Variants in NRG2 observed in about 807,000 individuals in gnomAD.
The protein encoded by NRG2 is neuregulin 2, also known as pro-neuregulin-2, membrane-bound isoform.
In NRG2, 27 loss-of-function variants were observed where a neutral mutation model predicts 73.9. The ratio of observed to expected loss-of-function variants is 0.37; its 90% CI spans 0.27 to 0.50. The LOEUF is 0.50. Among genes scored for constraint, NRG2 ranks in the 20% least tolerant of loss-of-function variants. The pLI, the probability that NRG2 is intolerant of heterozygous loss-of-function variation, is 0.96. For missense variants in NRG2, 1,126 were observed against 1,210.1 expected, an observed-to-expected ratio of 0.93 and a Z score of 1.03; for synonymous variants, 532 against 541.0, an observed-to-expected ratio of 0.98 and a Z score of 0.23.
rs1313824508 is a variant in NRG2, at chr5:139,851,861, G to A, written c.1545-30C>T. On this transcript the variant is annotated intron_variant, in intron 8 of 9. Coordinates refer to ENST00000361474, the MANE Select transcript of NRG2 (RefSeq NM_004883.3). The surrounding 1 kb of genome is among the most constrained non-coding windows in gnomAD (Gnocchi z 4.2). ...GAAGGCCAGATGGGGTGAGACGAGG[G>A]GTCAGGAAGGGGCAGGGCGGCCCAG... The A allele has an allele frequency of 2.5e-6, 4 of 1,602,790 alleles. No homozygotes were observed. Among genetic ancestry groups the A allele is most frequent in the Non-Finnish European group, 2.6e-6 (3 of 1,171,430 alleles).
intron 3 of NRG2, among the ~76,000 whole-genome samples, chr5:139,878,128 G>A (rs940303258): frequency 1.1e-4 from 17 of 152,374 alleles, no homozygotes; most frequent in African/African-American, 4.1e-4. Context: ...GGGCACTCCT[G>A]TGGTTTTCTG....
At chr5:140,037,907 CAAAAAAAAA>C (rs748112690) in intron 1 of NRG2, among the ~76,000 whole-genome samples, 100 of 59,016 alleles carry the variant, frequency 1.7e-3, no homozygotes, top group African/African-American at 6.5e-3. Flanking sequence ...GACTCCATCT[CAAAAAAAAA>C]AAAAAAAAAA....
intron 1 of NRG2, among the ~76,000 whole-genome samples, chr5:140,037,840 G>A (rs1219845473): frequency 4.7e-5 from 7 of 147,910 alleles, no homozygotes; most frequent in East Asian, 2.0e-4. Context: ...CCAGGGAGAC[G>A]GAGGTTGCAG....
intron 1 of NRG2, among the ~76,000 whole-genome samples, chr5:139,961,780 C>A (rs562052229): frequency 2.0e-5 from 3 of 152,324 alleles, no homozygotes; most frequent in Admixed American, 1.3e-4. Context: ...TGCTATCAGG[C>A]CATCCTCAGG....
rs1343182853 is a variant in NRG2, at chr5:139,869,451, G to A, written c.1112+2270C>T. On this transcript the variant is annotated intron_variant, in intron 4 of 9. Transcript: ENST00000361474. This position sits in a 1 kb window ranked among gnomAD's most constrained non-coding sequence, Gnocchi z 4.5. ...ATTCAGGTGTCATCAGGAACCCCAA[G>A]AGGCCTGCCCACCTTCCCTCCCAGC... 1.3e-5 allele frequency: 2 copies of A among 152,342 alleles called. No homozygotes were observed. Among genetic ancestry groups the A allele is most frequent in the African/African-American group, 2.4e-5 (1 of 41,452 alleles). The allele number at this position is 152,342 out of a possible 1,614,324, so 9.4% of individuals were successfully genotyped here.
At chr5:139,857,921 C>T (rs1469377721) in intron 5 of NRG2, among the ~76,000 whole-genome samples, 3 of 152,168 alleles carry the variant, frequency 2.0e-5, no homozygotes, top group Non-Finnish European at 4.4e-5. Flanking sequence ...TCCATTGCTT[C>T]CAACTTAGTC....
At chr5:139,944,473 T>C (rs1753654565) in intron 1 of NRG2, among the ~76,000 whole-genome samples, 1 of 152,204 alleles carries the variant, frequency 6.6e-6, no homozygotes, top group African/African-American at 2.4e-5. Flanking sequence ...AGATCAACTT[T>C]TTTTTAGGTT....
chr5:139,872,294 C>G (rs758246508), intron 3 of NRG2, among the ~76,000 whole-genome samples: 40 of 152,194 alleles, frequency 2.6e-4, no homozygotes, highest in Non-Finnish European at 4.7e-4. Flanking sequence ...GGCTTGGGCT[C>G]TCATGGTGGA....
chr5:139,896,176 T>C (rs939036523), intron 1 of NRG2, among the ~76,000 whole-genome samples: 1 of 152,204 alleles, frequency 6.6e-6, no homozygotes, highest in African/African-American at 2.4e-5. Context: ...TCAGGGCCTC[T>C]TTCTGAGGGT....
chr5:140,023,505 A>T (rs1225603749), intron 1 of NRG2, among the ~76,000 whole-genome samples: 1 of 152,138 alleles, frequency 6.6e-6, no homozygotes, highest in Admixed American at 6.5e-5. Flanking sequence ...TGCAATTATT[A>T]TATTTTGCTT....
chr5:139,858,667 T>G (rs954894991), intron 5 of NRG2, among the ~76,000 whole-genome samples: 6 of 152,188 alleles, frequency 3.9e-5, no homozygotes, highest in Admixed American at 2.6e-4. Context: ...CAGTTCCACC[T>G]GCACAGTGCT....
chr5:139,976,519 G>T (rs1029819007), intron 1 of NRG2, among the ~76,000 whole-genome samples: 6 of 152,170 alleles, frequency 3.9e-5, no homozygotes, highest in Non-Finnish European at 8.8e-5. Flanking sequence ...TCCCTGAGGT[G>T]CCAATGACTC....
intron 1 of NRG2, among the ~76,000 whole-genome samples, chr5:139,973,722 A>G (rs1478089498): frequency 6.6e-6 from 1 of 152,182 alleles, no homozygotes; most frequent in African/African-American, 2.4e-5. Context: ...ATTTATCACA[A>G]TTCTGGAAGC....
rs754005833 is a variant in NRG2, at chr5:139,939,245, T to TTCC, written c.701-51735_701-51734insGGA. On this transcript the variant is annotated intron_variant, in intron 1 of 9. Transcript: ENST00000361474. ...CTTCCTTCCTTCCTTCCTTCCTTCCTTTCTTTCTTTCTTTCTTTTTCTTTC... is the reference window on the plus strand; with the variant it reads ...CTTCCTTCCTTCCTTCCTTCCTTCCTTCCTTCTTTCTTTCTTTCTTTTTCTTTC... Among the ~76,000 whole-genome samples, 530 of 138,944 alleles carry TTCC rather than the reference T, an allele frequency of 3.8e-3. 4 individuals carry two copies. The highest frequency in any genetic ancestry group is 0.016 in the African/African-American group (520 of 33,546). 91.2% of individuals were successfully genotyped at this position (138,944 alleles called of 152,430 possible).
intron 1 of NRG2, among the ~76,000 whole-genome samples, chr5:140,027,494 A>G (rs1005784043): frequency 6.6e-6 from 1 of 152,234 alleles, no homozygotes; most frequent in African/African-American, 2.4e-5. Flanking sequence ...TTTTAAAAGA[A>G]GTATATAGTA....
In NRG2 at chr5:139,904,219, A is replaced by G. The variant is rs1765069896; in HGVS notation, c.701-16708T>C. 2.8e-6 allele frequency: 4 copies of G among 1,425,368 alleles called. No homozygotes were observed. Among genetic ancestry groups the G allele is most frequent in the Middle Eastern group, 4.8e-4 (2 of 4,170 alleles). 88.3% of individuals were successfully genotyped at this position (1,425,368 alleles called of 1,614,324 possible). On this transcript the variant is annotated intron_variant, in intron 1 of 9. Coordinates refer to ENST00000361474, the MANE Select transcript of NRG2 (RefSeq NM_004883.3). This position sits in a 1 kb window ranked among gnomAD's most constrained non-coding sequence, Gnocchi z 6.0. ...CGCGGCGGCCGCTAGCGCAGCCTAG[A>G]CTCACCCGCGCTGCGCTGGGGGCGG...
chr5:139,864,196 C>A (rs553097536), intron 5 of NRG2, among the ~76,000 whole-genome samples: 19 of 152,202 alleles, frequency 1.2e-4, no homozygotes, highest in African/African-American at 4.6e-4. Context: ...ACAGGCCTTG[C>A]AAGCCAGCGG....
intron 4 of NRG2, among the ~76,000 whole-genome samples, chr5:139,867,807 T>A (rs1425057690): frequency 1.4e-3 from 190 of 134,346 alleles, no homozygotes; most frequent in East Asian, 2.6e-3. Context: ...TATGAGTGTG[T>A]GTGTGTGTGT....
At chr5:139,946,039 C>T (rs1477643784) in intron 1 of NRG2, among the ~76,000 whole-genome samples, 4 of 151,868 alleles carry the variant, frequency 2.6e-5, no homozygotes, top group Admixed American at 6.6e-5. Context: ...GGCAATATTC[C>T]CCAGATCGAT....
Sources: allele counts gnomAD v4.1 joint callset (sites outside exome capture counted in the v4.1 genomes callset), GRCh38; gene constraint gnomAD v4.1.1; non-coding constraint Gnocchi (gnomAD v3.1); transcripts MANE v1.5; gene names NCBI Gene and HGNC (gene_info 2026-07-23, HGNC 2026-07-21).